SAMSN1: variants seen among roughly 807,000 people sequenced by gnomAD.
The protein encoded by SAMSN1 is SAM domain-containing protein SAMSN-1.
SAMSN1 carries 31 observed loss-of-function variants against 42.0 expected under a neutral mutation model. The ratio of observed to expected loss-of-function variants is 0.74; its 90% CI spans 0.55 to 1.00. The LOEUF (loss-of-function observed/expected upper bound fraction) is 1.00, where lower values mean the gene tolerates loss of function less well. SAMSN1 is among the 50% of genes least tolerant of loss of function. The pLI, the probability that SAMSN1 is intolerant of heterozygous loss-of-function variation, is 0.00. For missense variants in SAMSN1, 464 were observed against 439.4 expected, an observed-to-expected ratio of 1.06 and a Z score of -0.50; for synonymous variants, 178 against 151.9, an observed-to-expected ratio of 1.17 and a Z score of -1.26.
intron 2 of SAMSN1, chr21:14,616,080 A>G: frequency 2.1e-6 from 1 of 473,612 alleles, no homozygotes; most frequent in Non-Finnish European, 3.9e-6. Flanking sequence ...AAACTATATC[A>G]AGAGATCTGA....
chr21:14,651,216 GAC>G (rs1276930050), intron 1 of SAMSN1, among the ~76,000 whole-genome samples: 1 of 150,710 alleles, frequency 6.6e-6, no homozygotes, highest in African/African-American at 2.4e-5. Flanking sequence ...ACCAGACAAA[GAC>G]ACATCAAAAA....
chr21:14,631,204 A>G lies in SAMSN1; in HGVS notation c.156+11798T>C, dbSNP rs114159748. Among the ~76,000 whole-genome samples, 1,080 of 152,310 alleles carry G rather than the reference A, an allele frequency of 7.1e-3. 9 individuals are homozygous for G. Among genetic ancestry groups the G allele is most frequent in the African/African-American group, 0.022 (904 of 41,574 alleles). On this transcript the variant is annotated intron_variant, in intron 2 of 15. Transcript: ENST00000647101. ...TCCATGGGACTTGTACCATTAAACT[A>G]CGAACCACAGTTATGTACTTAGAGT...
intron 2 of SAMSN1, among the ~76,000 whole-genome samples, chr21:14,562,750 A>G (rs1483459580): frequency 6.6e-6 from 1 of 152,058 alleles, no homozygotes; most frequent in African/African-American, 2.4e-5. Context: ...ATCTTGAACT[A>G]TCTACTCCAA....
chr21:14,512,210 C>A (rs1161071706), intron 4 of SAMSN1, among the ~76,000 whole-genome samples: 1 of 152,004 alleles, frequency 6.6e-6, no homozygotes, highest in Admixed American at 6.6e-5. Context: ...AGGAGTATCC[C>A]GAGGAGCCCC....
chr21:14,606,255 G>A, intron 5 of SAMSN1, among the ~76,000 whole-genome samples: 1 of 152,062 alleles, frequency 6.6e-6, no homozygotes, highest in East Asian at 1.9e-4. Flanking sequence ...ACTAACATAT[G>A]CCATTTTTCC....
At chr21:14,657,445 A>G (rs536186157) in intron 1 of SAMSN1, among the ~76,000 whole-genome samples, 14 of 151,948 alleles carry the variant, frequency 9.2e-5, no homozygotes, top group African/African-American at 3.4e-4. Context: ...AAGACAATCA[A>G]GCTCATTATA....
intron 1 of SAMSN1, among the ~76,000 whole-genome samples, chr21:14,652,503 T>C (rs1983852275): frequency 6.6e-6 from 1 of 151,912 alleles, no homozygotes; most frequent in Non-Finnish European, 1.5e-5. Flanking sequence ...AAGAATGAAA[T>C]TAGGCCCCCA....
At chr21:14,582,162 A>G in exon 2 of SAMSN1, 3 of 1,549,872 alleles carry the variant, frequency 1.9e-6, no homozygotes, top group Non-Finnish European at 2.6e-6. Context: ...TCCATATCTG[A>G]GCAGGAAGAC....
rs193032049 is a variant in SAMSN1, at chr21:14,530,922, T to C, written c.58-9701A>G. Among the ~76,000 whole-genome samples, 101 of 152,328 alleles carry C rather than the reference T, an allele frequency of 6.6e-4. No individual in the cohort carries two copies. The East Asian group carries it at 0.013, about 20-fold the overall frequency. Reference sequence around the variant, plus strand: ...ATTTTCAATTTACAAAAAATATACATTATTCTTCCATAAGTTTGGAAATTA... The same window carrying C: ...ATTTTCAATTTACAAAAAATATACACTATTCTTCCATAAGTTTGGAAATTA... On this transcript the variant is annotated intron_variant, in intron 1 of 7. Coordinates refer to ENST00000400566, the MANE Select transcript of SAMSN1 (RefSeq NM_022136.5).
chr21:14,588,773 A>G (rs1981998314), intron 7 of SAMSN1, among the ~76,000 whole-genome samples: 1 of 152,012 alleles, frequency 6.6e-6, no homozygotes, highest in Non-Finnish European at 1.5e-5. Context: ...TCCAAAATGT[A>G]TCTTGAATGT....
At chr21:14,618,656 A>G (rs865807375) in intron 2 of SAMSN1, among the ~76,000 whole-genome samples, 1 of 149,060 alleles carries the variant, frequency 6.7e-6, no homozygotes, top group Non-Finnish European at 1.5e-5. Context: ...ACAGCTGTGT[A>G]TGTGTGTGTG....
rs540052858 is a variant in SAMSN1, at chr21:14,578,650, TC to T, written c.261+3485del. On this transcript the variant is annotated intron_variant, in intron 2 of 8. Coordinates refer to the SAMSN1 transcript ENST00000285670. ...GTGAGCCAAGATCATGCCATTACAC[TC>T]CAGCCTGGGCGACAGGGTGAGAATC... Among the ~76,000 whole-genome samples, 24 of 120,670 alleles carry T rather than the reference TC, an allele frequency of 2.0e-4. No homozygotes were observed. The South Asian group carries it at 4.8e-3, about 24-fold the overall frequency. 79.2% of individuals were successfully genotyped at this position (120,670 alleles called of 152,430 possible). A position where few individuals can be genotyped will look rare whatever the true frequency, so the allele number is the denominator to read the frequency against.
intron 7 of SAMSN1, among the ~76,000 whole-genome samples, chr21:14,489,492 G>A (rs1986586851): frequency 6.6e-6 from 1 of 151,938 alleles, no homozygotes; most frequent in African/African-American, 2.4e-5. Flanking sequence ...GAATTAAAAC[G>A]GTATAATTTT....
chr21:14,491,268 CTTTT>C, intron 7 of SAMSN1, among the ~76,000 whole-genome samples: 1 of 144,948 alleles, frequency 6.9e-6, no homozygotes, highest in East Asian at 2.0e-4. Context: ...CTGGCTTTCC[CTTTT>C]TTTTTTTTTA....
chr21:14,515,257 G>T (rs1987859523), intron 3 of SAMSN1, among the ~76,000 whole-genome samples: 1 of 152,122 alleles, frequency 6.6e-6, no homozygotes, highest in Non-Finnish European at 1.5e-5. Flanking sequence ...TTGAAAAAGA[G>T]AATGGACATA....
At chr21:14,486,559 A>G (rs988828692) in intron 7 of SAMSN1, among the ~76,000 whole-genome samples, 9 of 152,194 alleles carry the variant, frequency 5.9e-5, no homozygotes, top group African/African-American at 2.2e-4. Flanking sequence ...ACAATTTTAG[A>G]TTCATGATAA....
chr21:14,644,041 C>T lies in SAMSN1; in HGVS notation c.25-908G>A, dbSNP rs138999710. 5.3e-3 allele frequency among the ~76,000 whole-genome samples: 802 copies of T among 152,216 alleles called. 4 individuals are homozygous for T. Among genetic ancestry groups the T allele is most frequent in the African/African-American group, 0.018 (741 of 41,488 alleles). On this transcript the variant is annotated intron_variant, in intron 1 of 15. Coordinates refer to the SAMSN1 transcript ENST00000647101. ...AAGGTTGAGTGCCTGCAAACCTTGC[C>T]GCCCAGGGCTGCAGCACTCTGTGTC...
At chr21:14,486,809 T>A (rs948197692) in intron 7 of SAMSN1, among the ~76,000 whole-genome samples, 1 of 152,208 alleles carries the variant, frequency 6.6e-6, no homozygotes, top group African/African-American at 2.4e-5. Context: ...AATAATCATT[T>A]ATTTTCAGAT....
intron 2 of SAMSN1, chr21:14,582,059 AC>A (rs1981749299): frequency 7.6e-7 from 1 of 1,315,316 alleles, no homozygotes; most frequent in Non-Finnish European, 1.0e-6. Context: ...ACTGATTAGC[AC>A]TTTTGCTATC....
Sources: gnomAD v4.1 joint callset for allele counts (sites outside exome capture counted in the v4.1 genomes callset) on GRCh38, gnomAD v4.1.1 for gene constraint, MANE v1.5 for transcripts, NCBI Gene and HGNC (gene_info 2026-07-23, HGNC 2026-07-21) for gene names.